Variants in FRMD4A observed in about 807,000 individuals in gnomAD.
FRMD4A encodes the protein FERM domain-containing protein 4A.
In FRMD4A, 29 loss-of-function variants were observed where a neutral mutation model predicts 129.1. The observed-to-expected ratio is 0.22, with a 90% CI of 0.17 to 0.31. The LOEUF is 0.31. Ranked by LOEUF, FRMD4A falls within the 10% of genes least tolerant of loss-of-function variation. The pLI is 1.00. For synonymous variants in FRMD4A, 634 were observed against 571.6 expected (o/e 1.11, Z -1.56); for missense variants, 1,272 against 1,375.8 (o/e 0.92, Z 1.19).
chr10:14,236,821 G>C (rs915944580), intron 2 of FRMD4A, among the ~76,000 whole-genome samples: 7 of 152,062 alleles, frequency 4.6e-5, no homozygotes, highest in African/African-American at 1.7e-4. Flanking sequence ...AATGAGGACA[G>C]CTAACGTTTC....
At chr10:13,993,375 A>G (rs1207252425) in intron 2 of FRMD4A, among the ~76,000 whole-genome samples, 2 of 152,180 alleles carry the variant, frequency 1.3e-5, no homozygotes, top group Non-Finnish European at 2.9e-5. Context: ...ATTCCACTCC[A>G]TCTAGCATGA....
intron 2 of FRMD4A, among the ~76,000 whole-genome samples, chr10:14,247,286 C>T (rs796252267): frequency 3.9e-5 from 6 of 152,300 alleles, no homozygotes; most frequent in African/African-American, 1.4e-4. Flanking sequence ...CATTCAGTTA[C>T]AGCCCAGATG....
At chr10:13,744,675 A>C (rs1338466797) in intron 9 of FRMD4A, 2 of 152,182 alleles carry the variant, frequency 1.3e-5, no homozygotes, top group Non-Finnish European at 2.9e-5. Context: ...CGGGGGCAGG[A>C]AAGCCCCCGA....
intron 2 of FRMD4A, among the ~76,000 whole-genome samples, chr10:14,140,712 A>G (rs1177902455): frequency 1.3e-5 from 2 of 152,012 alleles, no homozygotes; most frequent in Non-Finnish European, 2.9e-5. Flanking sequence ...TTCCCTCTAT[A>G]TGCTTGTAAT....
intron 2 of FRMD4A, among the ~76,000 whole-genome samples, chr10:14,213,227 G>A (rs1416438831): frequency 6.6e-6 from 1 of 152,164 alleles, no homozygotes; most frequent in Admixed American, 6.5e-5. Flanking sequence ...CTGAGTGACA[G>A]AGAAAGACCC....
chr10:13,746,216 TG>T (rs1264111270), intron 9 of FRMD4A, among the ~76,000 whole-genome samples: 1 of 151,958 alleles, frequency 6.6e-6, no homozygotes. Context: ...GTTGTTTTTT[TG>T]TTTGTTTGTT....
intron 2 of FRMD4A, among the ~76,000 whole-genome samples, chr10:13,892,349 G>A (rs2094710236): frequency 6.6e-6 from 1 of 152,084 alleles, no homozygotes; most frequent in African/African-American, 2.4e-5. Context: ...CTCTTCAATG[G>A]AAGTTGCTGC....
Position 13,644,258 on chromosome 10 carries a change from A to G in FRMD4A, c.*2780T>C, listed in dbSNP as rs2080979589. On this transcript the variant is annotated 3_prime_UTR_variant, in exon 25 of 25. Coordinates refer to ENST00000357447, the MANE Select transcript of FRMD4A (RefSeq NM_018027.5). ...ATCCGAAGAATCCAATAGGGGCTTT[A>G]TATCAGACCAAGGACTTCGTATTTC... The G allele has an allele frequency of 6.6e-6, 1 of 152,246 alleles. No homozygotes were observed. Among genetic ancestry groups the G allele is most frequent in the South Asian group, 2.1e-4 (1 of 4,836 alleles). 9.4% of individuals were successfully genotyped at this position (152,246 alleles called of 1,614,324 possible).
Position 13,747,768 on chromosome 10 carries a change from T to A in FRMD4A, c.516A>T (p.Gln172His). ...CCAGGGAAGGGTGCTCCTTCAGGGC[T>A]TGGGTGGGAAGGGCTGGCAGCTTCT... ...DLKKLPALPT[Q>H]ALKEHPSLAY... Residue 172 changes from glutamine to histidine, a missense_variant, in exon 9 of 25, where the codon CAA becomes CAT. Gln to His is a conservative substitution (Grantham distance 24). Coordinates refer to ENST00000357447, the MANE Select transcript of FRMD4A (RefSeq NM_018027.5). 6.2e-7 allele frequency: 1 copy of A among 1,605,394 alleles called. No individual in the cohort carries two copies. Among genetic ancestry groups the A allele is most frequent in the South Asian group, 1.1e-5 (1 of 90,902 alleles).
intron 5 of FRMD4A, among the ~76,000 whole-genome samples, chr10:13,795,133 C>T (rs2130821369): frequency 6.6e-6 from 1 of 152,324 alleles, no homozygotes; most frequent in Non-Finnish European, 1.5e-5. Context: ...ATGGTAAATG[C>T]ACTCATCCAC....
chr10:13,657,110 G>A lies in FRMD4A; in HGVS notation c.2479C>T (p.Gln827Ter). 6.4e-7 allele frequency: 1 copy of A among 1,560,586 alleles called. No homozygotes were observed. The highest frequency in any genetic ancestry group is 1.2e-5 in the South Asian group (1 of 86,524). ...TTGATGCGGTACTGCGAGCTGGGCT[G>A]GCTCTGGCTGTGCAGGTACACACCG... The part of the protein sequence containing the change: ...GGGVYLHSQS[Q>*]PSSQYRIKEY... Residue 827 changes from glutamine to a stop codon, truncating the protein, a stop_gained, in exon 22 of 25, where the codon CAG (glutamine) becomes TAG (stop). Transcript: ENST00000357447. LOFTEE classifies it high-confidence loss of function.
intron 12 of FRMD4A, among the ~76,000 whole-genome samples, chr10:13,734,052 A>C (rs917480862): frequency 1.3e-5 from 2 of 152,108 alleles, no homozygotes; most frequent in Non-Finnish European, 2.9e-5. Context: ...AGCTGCACTC[A>C]TCCCTCATCT....
intron 2 of FRMD4A, among the ~76,000 whole-genome samples, chr10:14,021,972 T>A (rs1009987843): frequency 6.6e-6 from 1 of 152,108 alleles, no homozygotes; most frequent in Non-Finnish European, 1.5e-5. Context: ...ATTTTATTGC[T>A]CCCAGCAAAA....
At chr10:14,107,954 C>A (rs1837671968) in intron 2 of FRMD4A, among the ~76,000 whole-genome samples, 1 of 152,150 alleles carries the variant, frequency 6.6e-6, no homozygotes, top group Non-Finnish European at 1.5e-5. Context: ...GGCAATCCAT[C>A]TTAGGGGCAG....
intron 2 of FRMD4A, among the ~76,000 whole-genome samples, chr10:14,238,868 C>G (rs1338705120): frequency 6.6e-6 from 1 of 152,126 alleles, no homozygotes; most frequent in Admixed American, 6.6e-5. Context: ...TGAACTCATT[C>G]TTTTTTATGG....
At chr10:13,955,201 G>A (rs1379122778) in intron 2 of FRMD4A, among the ~76,000 whole-genome samples, 5 of 143,006 alleles carry the variant, frequency 3.5e-5, no homozygotes, top group African/African-American at 7.9e-5. Context: ...TCTGCCTTCC[G>A]GGTTCAAGCG....
chr10:13,762,594 G>C (rs1359723181), intron 7 of FRMD4A, 30 bp downstream of exon 7: 2 of 1,296,978 alleles, frequency 1.5e-6, no homozygotes, highest in South Asian at 2.4e-5. Flanking sequence ...ATGGCCGTGG[G>C]ACATAAAGAG....
chr10:13,760,187 G>A (rs2092015229), intron 8 of FRMD4A, among the ~76,000 whole-genome samples: 2 of 152,068 alleles, frequency 1.3e-5, no homozygotes, highest in Admixed American at 6.6e-5. Flanking sequence ...GAAGAGTTGT[G>A]TAATTGAAAC....
At chr10:13,723,136 C>T (rs976871308) in intron 12 of FRMD4A, among the ~76,000 whole-genome samples, 2 of 151,630 alleles carry the variant, frequency 1.3e-5, no homozygotes, top group African/African-American at 4.8e-5. Flanking sequence ...AGCTACATCC[C>T]TATGCTGGTT....
Sources: allele counts gnomAD v4.1 joint callset (sites outside exome capture counted in the v4.1 genomes callset), GRCh38; gene constraint gnomAD v4.1.1; transcripts MANE v1.5; gene names NCBI Gene and HGNC (gene_info 2026-07-23, HGNC 2026-07-21).